The following NRP1 variants were observed in gnomAD, a reference collection of about 807,000 sequenced individuals.
NRP1 encodes neuropilin-1.
In NRP1, 35 loss-of-function variants were observed where a neutral mutation model predicts 106.7. The ratio of observed to expected loss-of-function variants is 0.33; its 90% CI spans 0.25 to 0.43. NRP1 has a LOEUF of 0.43. Ranked by LOEUF, NRP1 falls within the 20% of genes least tolerant of loss-of-function variation. The pLI is 1.00. For synonymous variants in NRP1, 437 were observed against 417.9 expected (o/e 1.05, Z -0.56); for missense variants, 1,024 against 1,170.4 (o/e 0.87, Z 1.83).
At chr10:33,254,967 A>C (rs1203704804) in intron 5 of NRP1, among the ~76,000 whole-genome samples, 1 of 152,192 alleles carries the variant, frequency 6.6e-6, no homozygotes, top group Non-Finnish European at 1.5e-5. Context: ...GAAACATCAA[A>C]ATCTATATTC....
intron 4 of NRP1, 45 bp from the exon 5 acceptor site, chr10:33,256,516 TG>T (rs1453385526): frequency 1.2e-5 from 19 of 1,595,464 alleles, no homozygotes; most frequent in Non-Finnish European, 1.6e-5. Flanking sequence ...TCTTTTCTCC[TG>T]CAGCAGATGC....
chr10:33,218,759 G>A (rs1462080016), intron 8 of NRP1, among the ~76,000 whole-genome samples: 1 of 152,166 alleles, frequency 6.6e-6, no homozygotes, highest in East Asian at 1.9e-4. Flanking sequence ...CTTTCATTAG[G>A]TAGGCTTAAA....
chr10:33,229,188 A>C (rs1839910498), intron 6 of NRP1, among the ~76,000 whole-genome samples: 1 of 152,214 alleles, frequency 6.6e-6, no homozygotes, highest in African/African-American at 2.4e-5. Context: ...TAAAATTCAA[A>C]TTTAAATGGA....
At chr10:33,258,700 C>T (rs948047654) in intron 4 of NRP1, among the ~76,000 whole-genome samples, 3 of 152,120 alleles carry the variant, frequency 2.0e-5, no homozygotes, top group African/African-American at 7.2e-5. Flanking sequence ...TGGTTCTTTG[C>T]TATTTAATAG....
At chr10:33,267,912 C>T (rs971807376) in intron 3 of NRP1, among the ~76,000 whole-genome samples, 2 of 152,206 alleles carry the variant, frequency 1.3e-5, no homozygotes, top group East Asian at 1.9e-4. Flanking sequence ...CAATGCAACC[C>T]GGGGACTCTG....
At chr10:33,320,287 T>C (rs1847402900) in intron 2 of NRP1, among the ~76,000 whole-genome samples, 1 of 147,528 alleles carries the variant, frequency 6.8e-6, no homozygotes, top group African/African-American at 2.5e-5. Flanking sequence ...CACTCCAGCC[T>C]GGCGATGGAG....
At chr10:33,182,427 G>A (rs189322704) in intron 16 of NRP1, among the ~76,000 whole-genome samples, 11 of 152,238 alleles carry the variant, frequency 7.2e-5, no homozygotes, top group Admixed American at 6.5e-4. Context: ...GACTGGGCAG[G>A]GAAGGGCCAG....
intron 2 of NRP1, among the ~76,000 whole-genome samples, chr10:33,329,228 A>C (rs1848102021): frequency 6.6e-6 from 1 of 152,212 alleles, no homozygotes; most frequent in Non-Finnish European, 1.5e-5. Flanking sequence ...TTAAAAAGTC[A>C]ATATAATGCC....
At chr10:33,240,442 T>A (rs977868672) in intron 6 of NRP1, among the ~76,000 whole-genome samples, 2 of 152,200 alleles carry the variant, frequency 1.3e-5, no homozygotes, top group African/African-American at 4.8e-5. Flanking sequence ...CGTTGCTGAT[T>A]ATTGGTTTTG....
chr10:33,216,557 A>G (rs1414168096), intron 8 of NRP1, among the ~76,000 whole-genome samples: 1 of 151,746 alleles, frequency 6.6e-6, no homozygotes. Flanking sequence ...GGCCTCAAGC[A>G]ATCCTCCCAC....
At chr10:33,256,110 G>C (rs1842179104) in intron 5 of NRP1, among the ~76,000 whole-genome samples, 1 of 152,082 alleles carries the variant, frequency 6.6e-6, no homozygotes, top group Non-Finnish European at 1.5e-5. Flanking sequence ...TCCCAAGCAG[G>C]CTTCTCACCC....
At chr10:33,229,305 TA>T (rs1839921176) in intron 6 of NRP1, among the ~76,000 whole-genome samples, 1 of 152,202 alleles carries the variant, frequency 6.6e-6, no homozygotes, top group Non-Finnish European at 1.5e-5. Flanking sequence ...TGCCGCAATC[TA>T]AAAGTTAATG....
chr10:33,185,978 A>G (rs1247621409), intron 14 of NRP1, among the ~76,000 whole-genome samples: 1 of 152,246 alleles, frequency 6.6e-6, no homozygotes, highest in Non-Finnish European at 1.5e-5. Context: ...GTGAAAGCCC[A>G]GAAATAGATG....
intron 9 of NRP1, among the ~76,000 whole-genome samples, chr10:33,210,965 T>G (rs1251798494): frequency 2.0e-5 from 3 of 152,232 alleles, no homozygotes; most frequent in African/African-American, 7.2e-5. Context: ...TAAGGAATCA[T>G]AGATTAGGCT....
intron 2 of NRP1, among the ~76,000 whole-genome samples, chr10:33,316,408 C>A (rs11009337): frequency 6.6e-6 from 1 of 152,022 alleles, no homozygotes; most frequent in African/African-American, 2.4e-5. Flanking sequence ...TAGGAAGCTG[C>A]AAAGTTTGTT....
rs2229936 is a variant in NRP1, at chr10:33,180,358, C to T, written c.2490G>A (p.Thr830=). The change falls in exon 17 of 17, where the codon ACG becomes ACA. Residue 830 remains threonine, a synonymous_variant. Transcript: ENST00000374867. ...PEIKIDETGS[T]PGYEGEGEGD... ...CTTCTCCTTCACCTTCGTATCCTGG[C>T]GTGCTCCCTATGGAAAAAAACAATA... 0.019 allele frequency: 29,559 copies of T among 1,589,592 alleles called. 335 individuals carry two copies. Among genetic ancestry groups the T allele is most frequent in the Non-Finnish European group, 0.023 (26,607 of 1,163,976 alleles).
rs571447694 is a variant in NRP1 at position 33,329,564 on chromosome 10, C to T, written c.248+1144G>A. Among the ~76,000 whole-genome samples, 14 of 152,286 alleles carry T rather than the reference C, an allele frequency of 9.2e-5. No homozygotes were observed. The South Asian group carries it at 2.7e-3, about 29-fold the overall frequency. On this transcript the variant is annotated intron_variant, in intron 2 of 16. Transcript: ENST00000374867. ...CTTGCAAAATAATATTTAGGTCCAGCGGTAGCAGTAGTCTGTAGATATCAT... is the reference window on the plus strand; with the variant it reads ...CTTGCAAAATAATATTTAGGTCCAGTGGTAGCAGTAGTCTGTAGATATCAT...
chr10:33,277,309 T>TGGGGGG (rs2133347881), intron 2 of NRP1, among the ~76,000 whole-genome samples: 1 of 152,342 alleles, frequency 6.6e-6, no homozygotes, highest in South Asian at 2.1e-4. Context: ...AGAGCTGTCC[T>TGGGGGG]GGTCCTCCTG....
chr10:33,314,492 C>T (rs1157456143), intron 2 of NRP1, among the ~76,000 whole-genome samples: 5 of 152,114 alleles, frequency 3.3e-5, no homozygotes, highest in South Asian at 2.1e-4. Flanking sequence ...GGAAATATTG[C>T]GGAAAACTAA....
Sources: allele counts gnomAD v4.1 joint callset (sites outside exome capture counted in the v4.1 genomes callset), GRCh38; gene constraint gnomAD v4.1.1; transcripts MANE v1.5; gene names NCBI Gene and HGNC (gene_info 2026-07-23, HGNC 2026-07-21).